UBE3D: variants seen among roughly 807,000 people sequenced by gnomAD.
UBE3D encodes E3 ubiquitin-protein ligase E3D.
Under a neutral mutation model 49.6 loss-of-function variants are expected in UBE3D, and 48 were observed. The observed-to-expected ratio is 0.97, with a 90% confidence interval of 0.77 to 1.23. The LOEUF is 1.23. Among genes scored for constraint, UBE3D ranks in the 50% most tolerant of loss-of-function variants. UBE3D has a pLI of 0.00. For synonymous variants in UBE3D, 189 were observed against 174.2 expected (o/e 1.08, Z -0.67); for missense variants, 452 against 468.4 (o/e 0.96, Z 0.32).
At chr6:82,915,068 T>C (rs1175842496) in intron 9 of UBE3D, among the ~76,000 whole-genome samples, 1 of 152,118 alleles carries the variant, frequency 6.6e-6, no homozygotes, top group East Asian at 1.9e-4. Flanking sequence ...CTTCAGACAA[T>C]AAAGAGTTGA....
intron 8 of UBE3D, among the ~76,000 whole-genome samples, chr6:82,968,975 C>T (rs1486828270): frequency 6.6e-6 from 1 of 152,024 alleles, no homozygotes; most frequent in Non-Finnish European, 1.5e-5. Context: ...GTAAGCAATA[C>T]TCAAAATCAA....
At chr6:82,911,212 A>AC (rs1772488447) in intron 9 of UBE3D, among the ~76,000 whole-genome samples, 1 of 150,310 alleles carries the variant, frequency 6.7e-6, no homozygotes, top group Admixed American at 6.6e-5. Flanking sequence ...AAAAAAAAAA[A>AC]AAAAAAAAAA....
chr6:82,923,179 T>C (rs1460689239), intron 9 of UBE3D, among the ~76,000 whole-genome samples: 7 of 152,178 alleles, frequency 4.6e-5, no homozygotes, highest in Non-Finnish European at 1.0e-4. Flanking sequence ...GAACTAGAAA[T>C]ACTATTTGAC....
At position 82,892,919 on chromosome 6, in the gene UBE3D, G is replaced by C; in HGVS notation, c.*103C>G. The C allele has an allele frequency of 7.5e-7, 1 of 1,339,806 alleles. No homozygotes were observed. Among genetic ancestry groups the C allele is most frequent in the Non-Finnish European group, 1.1e-6 (1 of 932,726 alleles). 83.0% of individuals were successfully genotyped at this position (1,339,806 alleles called of 1,614,324 possible). A position where few individuals can be genotyped will look rare whatever the true frequency, so the allele number is the denominator to read the frequency against. On this transcript the variant is annotated 3_prime_UTR_variant, in exon 10 of 10. Coordinates refer to ENST00000369747, the MANE Select transcript of UBE3D (RefSeq NM_198920.3). The stretch of plus-strand genomic sequence containing the variant: ...GCAATGCTCTTATCCCATAGCTCTG[G>C]TTCTTGTCTTTGTAATTGATGCCTC...
intron 6 of UBE3D, 88 bp downstream of exon 6, chr6:83,023,881 T>C: frequency 2.3e-6 from 2 of 852,966 alleles, no homozygotes; most frequent in Non-Finnish European, 3.6e-6. Context: ...AAATAAAAAA[T>C]AAATTCAAAA....
At chr6:82,957,937 A>C (rs991111671) in intron 8 of UBE3D, among the ~76,000 whole-genome samples, 4 of 152,142 alleles carry the variant, frequency 2.6e-5, no homozygotes, top group African/African-American at 9.7e-5. Flanking sequence ...AAAGTGACAG[A>C]ATCCTTTTGT....
chr6:83,038,310 C>T, intron 5 of UBE3D, 106 bp downstream of exon 5: 1 of 918,452 alleles, frequency 1.1e-6, no homozygotes, highest in Admixed American at 2.5e-5. Flanking sequence ...ACCAATTCCA[C>T]AACATATATT....
intron 9 of UBE3D, among the ~76,000 whole-genome samples, chr6:82,907,885 G>C (rs558858009): frequency 6.6e-6 from 1 of 152,164 alleles, no homozygotes; most frequent in Admixed American, 6.5e-5. Context: ...GATTTTACCA[G>C]AATATTTACA....
chr6:82,966,983 C>A (rs939347009), intron 8 of UBE3D, among the ~76,000 whole-genome samples: 8 of 152,100 alleles, frequency 5.3e-5, no homozygotes, highest in Non-Finnish European at 1.2e-4. Flanking sequence ...ATGTAGTTCA[C>A]CACCTTAAAA....
At chr6:83,031,917 G>T (rs1398760505) in intron 5 of UBE3D, among the ~76,000 whole-genome samples, 1 of 152,212 alleles carries the variant, frequency 6.6e-6, no homozygotes, top group East Asian at 1.9e-4. Flanking sequence ...AAGCCTGTGG[G>T]TGCACAGAAG....
chr6:82,939,955 G>T (rs76541922), intron 9 of UBE3D, among the ~76,000 whole-genome samples: 2 of 152,070 alleles, frequency 1.3e-5, no homozygotes, highest in Admixed American at 6.6e-5. Context: ...CCTCCCCTAC[G>T]AAGTGCTACA....
At chr6:82,884,176 T>A in the UBE3D span, among the ~76,000 whole-genome samples, 1 of 152,184 alleles carries the variant, frequency 6.6e-6, no homozygotes, top group African/African-American at 2.4e-5. Context: ...GGGATCTGTG[T>A]TACAAAGAGC....
At chr6:82,969,929 T>C (rs1290563927) in intron 8 of UBE3D, among the ~76,000 whole-genome samples, 2 of 151,446 alleles carry the variant, frequency 1.3e-5, no homozygotes, top group Non-Finnish European at 2.9e-5. Flanking sequence ...ATAAAACTAA[T>C]GTAATCAAGT....
Position 82,919,100 on chromosome 6 carries a change from C to T in UBE3D, c.1150-26058G>A, listed in dbSNP as rs9359549. Among the ~76,000 whole-genome samples the T allele has an allele frequency of 6.2e-4, 94 of 152,124 alleles. 3 individuals are homozygous for T. The East Asian group carries it at 0.017, about 28-fold the overall frequency. ...AGAGTGTCCACTTTCTTCCTCTTCA[C>T]CCATGTTTAGAAAGGGCAAAAAGAC... On this transcript the variant is annotated intron_variant, in intron 9 of 9. Coordinates refer to ENST00000369747, the MANE Select transcript of UBE3D (RefSeq NM_198920.3).
intron 8 of UBE3D, among the ~76,000 whole-genome samples, chr6:82,996,452 C>T (rs555403814): frequency 2.0e-5 from 3 of 152,002 alleles, no homozygotes; most frequent in South Asian, 4.2e-4. Flanking sequence ...AAAAACAAAT[C>T]TTCTTGCCTA....
intron 8 of UBE3D, among the ~76,000 whole-genome samples, chr6:82,976,549 T>A (rs1283292338): frequency 6.6e-6 from 1 of 152,150 alleles, no homozygotes; most frequent in Non-Finnish European, 1.5e-5. Flanking sequence ...ACACTTGTAT[T>A]GCCTCTACCT....
At chr6:82,906,115 A>G (rs1168631395) in intron 9 of UBE3D, among the ~76,000 whole-genome samples, 1 of 152,196 alleles carries the variant, frequency 6.6e-6, no homozygotes, top group Non-Finnish European at 1.5e-5. Context: ...TCAGTGACCA[A>G]ATTTCTCCAA....
At chr6:82,919,094 T>A (rs1399478840) in intron 9 of UBE3D, among the ~76,000 whole-genome samples, 2 of 152,052 alleles carry the variant, frequency 1.3e-5, no homozygotes, top group Non-Finnish European at 2.9e-5. Context: ...ACTTTCTTCC[T>A]CTTCACCCAT....
intron 2 of UBE3D, among the ~76,000 whole-genome samples, chr6:83,054,652 T>G (rs1783694180): frequency 6.6e-6 from 1 of 152,060 alleles, no homozygotes; most frequent in African/African-American, 2.4e-5. Context: ...AAATTTGAGT[T>G]TAATTTTTTT....
Sources: allele counts gnomAD v4.1 joint callset (sites outside exome capture counted in the v4.1 genomes callset), GRCh38; gene constraint gnomAD v4.1.1; transcripts MANE v1.5; gene names NCBI Gene and HGNC (gene_info 2026-07-23, HGNC 2026-07-21).